RFC3: variants seen among roughly 807,000 people sequenced by gnomAD.
The protein encoded by RFC3 is replication factor C subunit 3.
A neutral mutation model predicts 45.1 loss-of-function variants in RFC3; 41 were observed. That is an observed-to-expected ratio of 0.91 (90% CI 0.71 to 1.18). The LOEUF (loss-of-function observed/expected upper bound fraction) is 1.18, where lower values mean the gene tolerates loss of function less well. Among genes scored for constraint, RFC3 ranks in the 50% most tolerant of loss-of-function variants. RFC3 has a pLI of 0.00. For missense variants in RFC3, 423 were observed against 428.1 expected, an observed-to-expected ratio of 0.99 and a Z score of 0.10; for synonymous variants, 149 against 144.0, an observed-to-expected ratio of 1.03 and a Z score of -0.25.
At chr13:33,839,529 T>G (rs1308636854), downstream of RFC3, among the ~76,000 whole-genome samples, 1 of 152,250 alleles carries the variant, frequency 6.6e-6, no homozygotes, top group Non-Finnish European at 1.5e-5. Flanking sequence ...CTGATAAGTT[T>G]TGAAATAATA....
intron 8 of RFC3, among the ~76,000 whole-genome samples, chr13:33,952,868 A>G (rs530465834): frequency 1.9e-4 from 29 of 152,306 alleles, no homozygotes; most frequent in African/African-American, 7.0e-4. Context: ...TCCTATCAGA[A>G]TATCTTTGTA....
chr13:33,864,141 G>A (rs751584447), intron 8 of RFC3, among the ~76,000 whole-genome samples: 1 of 151,996 alleles, frequency 6.6e-6, no homozygotes, highest in Non-Finnish European at 1.5e-5. Flanking sequence ...GGGAGGAGGT[G>A]CCAGGCTCCT....
chr13:33,874,298 G>A (rs1286255998), intron 8 of RFC3, among the ~76,000 whole-genome samples: 1 of 152,002 alleles, frequency 6.6e-6, no homozygotes, highest in East Asian at 1.9e-4. Flanking sequence ...TAACTAGATG[G>A]GTGCTTCTTT....
At chr13:33,860,350 T>A (rs938710665) in intron 8 of RFC3, among the ~76,000 whole-genome samples, 55 of 151,792 alleles carry the variant, frequency 3.6e-4, no homozygotes, top group African/African-American at 1.3e-3. Context: ...CACCACACAC[T>A]CACTTGCTTG....
intron 7 of RFC3, among the ~76,000 whole-genome samples, chr13:33,832,960 T>A (rs2139416710): frequency 6.6e-6 from 1 of 152,338 alleles, no homozygotes; most frequent in East Asian, 1.9e-4. Flanking sequence ...TGTTACAAAT[T>A]TCTTCTGGTT....
intron 8 of RFC3, among the ~76,000 whole-genome samples, chr13:33,877,890 TA>T (rs1431523635): frequency 6.7e-6 from 1 of 150,192 alleles, no homozygotes; most frequent in Non-Finnish European, 1.5e-5. Context: ...TATTTCTAAA[TA>T]TAGTTTATTA....
chr13:33,926,619 T>G (rs1342332780), intron 8 of RFC3, among the ~76,000 whole-genome samples: 1 of 152,130 alleles, frequency 6.6e-6, no homozygotes, highest in East Asian at 1.9e-4. Context: ...TAAGTTTTAC[T>G]GTAGTTTTCA....
chr13:33,929,892 G>T (rs975134430), intron 8 of RFC3, among the ~76,000 whole-genome samples: 5 of 152,030 alleles, frequency 3.3e-5, no homozygotes, highest in Non-Finnish European at 7.4e-5. Flanking sequence ...TTAGAACAGA[G>T]ACCCGGAATA....
At chr13:33,871,920 A>G (rs1170652509) in intron 8 of RFC3, among the ~76,000 whole-genome samples, 2 of 152,192 alleles carry the variant, frequency 1.3e-5, no homozygotes, top group African/African-American at 4.8e-5. Flanking sequence ...GTTCAGTTAG[A>G]GTTCTTAAAG....
intron 8 of RFC3, among the ~76,000 whole-genome samples, chr13:33,960,984 C>T (rs1184389252): frequency 1.3e-5 from 2 of 152,140 alleles, no homozygotes; most frequent in Non-Finnish European, 2.9e-5. Flanking sequence ...TAGGGTGGTC[C>T]AGTGAAATCC....
intron 8 of RFC3, among the ~76,000 whole-genome samples, chr13:33,957,011 T>TATCTATC (rs1419899926): frequency 6.6e-6 from 1 of 152,174 alleles, no homozygotes; most frequent in Non-Finnish European, 1.5e-5. Flanking sequence ...TACTATCTAT[T>TATCTATC]ATCTATCATC....
chr13:33,829,805 T>G (rs759687839), intron 4 of RFC3, 31 bp from the exon 5 acceptor site: 1 of 1,582,926 alleles, frequency 6.3e-7, no homozygotes, highest in Non-Finnish European at 8.7e-7. Flanking sequence ...TGAACTCAAG[T>G]TAAAGTTTGT....
At chr13:33,820,682 G>A (rs1016598659) in intron 1 of RFC3, among the ~76,000 whole-genome samples, 1 of 152,104 alleles carries the variant, frequency 6.6e-6, no homozygotes, top group African/African-American at 2.4e-5. Flanking sequence ...CTAATAGTCC[G>A]AAGTAAGAAA....
intron 8 of RFC3, among the ~76,000 whole-genome samples, chr13:33,896,015 G>C (rs2082595734): frequency 6.6e-6 from 1 of 152,014 alleles, no homozygotes; most frequent in Non-Finnish European, 1.5e-5. Context: ...GAATGGGGGA[G>C]AGTGGGAGTG....
chr13:33,924,056 G>A (rs2082786323), intron 8 of RFC3, among the ~76,000 whole-genome samples: 1 of 152,096 alleles, frequency 6.6e-6, no homozygotes, highest in African/African-American at 2.4e-5. Context: ...CCCTGACAAG[G>A]TTTTGAAAAT....
downstream of RFC3, among the ~76,000 whole-genome samples, chr13:33,971,295 C>A (rs974672983): frequency 1.3e-5 from 2 of 152,048 alleles, no homozygotes; most frequent in Admixed American, 1.3e-4. Context: ...AAAAGTTTTG[C>A]CAAGAAAGTT....
intron 8 of RFC3, among the ~76,000 whole-genome samples, chr13:33,963,114 C>T (rs1198728458): frequency 6.6e-6 from 1 of 151,882 alleles, no homozygotes; most frequent in African/African-American, 2.4e-5. Context: ...ATTTATTCTC[C>T]ATGTTTCTTT....
chr13:33,867,125 C>T (rs552862041), intron 8 of RFC3, among the ~76,000 whole-genome samples: 2 of 152,318 alleles, frequency 1.3e-5, no homozygotes, highest in African/African-American at 4.8e-5. Context: ...GTTCCCAGAT[C>T]TCATCTCATC....
At chr13:33,830,956 G>A in intron 6 of RFC3, 101 bp downstream of exon 6, 1 of 926,056 alleles carries the variant, frequency 1.1e-6, no homozygotes, top group South Asian at 1.7e-5. Context: ...GACTGGGCAG[G>A]GGTGGGGGAT....
Sources: gnomAD v4.1 joint callset for allele counts (sites outside exome capture counted in the v4.1 genomes callset) on GRCh38, gnomAD v4.1.1 for gene constraint, MANE v1.5 for transcripts, NCBI Gene and HGNC (gene_info 2026-07-23, HGNC 2026-07-21) for gene names.